MIER3: variants seen among roughly 807,000 people sequenced by gnomAD.
MIER3 encodes the protein MIER family member 3.
Under a neutral mutation model 63.2 loss-of-function variants are expected in MIER3, and 9 were observed. That is an observed-to-expected ratio of 0.14 (90% CI 0.09 to 0.25). The LOEUF is 0.25. MIER3 is among the 10% of genes least tolerant of loss of function. The pLI, the probability that MIER3 is intolerant of heterozygous loss-of-function variation, is 1.00. For synonymous variants in MIER3, 205 were observed against 224.9 expected, an observed-to-expected ratio of 0.91 and a Z score of 0.79; for missense variants, 512 against 666.2, an observed-to-expected ratio of 0.77 and a Z score of 2.55.
At chr5:56,927,119 ATG>A (rs1561232245) in intron 10 of MIER3, among the ~76,000 whole-genome samples, 1 of 125,184 alleles carries the variant, frequency 8.0e-6, no homozygotes, top group Non-Finnish European at 1.7e-5. Context: ...AGAATAAAAC[ATG>A]AGATTTTCAG....
At chr5:56,951,949 GC>G (rs1561250321) in intron 1 of MIER3, 144 bp downstream of exon 1, 7 of 614,800 alleles carry the variant, frequency 1.1e-5, no homozygotes, top group Non-Finnish European at 1.5e-5. Flanking sequence ...ACGGCCAGTC[GC>G]CGCCCCGCGA....
At chr5:56,939,074 G>A (rs976279099) in intron 3 of MIER3, 57 bp from the exon 4 acceptor site, 3 of 1,587,784 alleles carry the variant, frequency 1.9e-6, no homozygotes, top group South Asian at 1.1e-5. Flanking sequence ...CTGAACTGCA[G>A]GTAAACTGTA....
chr5:56,935,532 AT>A (rs2112113523), intron 6 of MIER3, 32 bp from the exon 7 acceptor site: 1 of 1,545,864 alleles, frequency 6.5e-7, no homozygotes. Flanking sequence ...AAAATAACTT[AT>A]TAAAAAAAAA....
At chr5:56,951,047 G>A (rs534451793) in intron 1 of MIER3, among the ~76,000 whole-genome samples, 7 of 152,194 alleles carry the variant, frequency 4.6e-5, no homozygotes, top group Non-Finnish European at 1.0e-4. Context: ...AACTCGAAAC[G>A]TAACACCCTT....
At position 56,920,233 on chromosome 5, in the gene MIER3, G is replaced by A. The variant is rs1270918477; in HGVS notation, c.*2895C>T. The A allele has an allele frequency of 6.6e-6, 1 of 152,506 alleles. No individual in the cohort carries two copies. Among genetic ancestry groups the A allele is most frequent in the Non-Finnish European group, 1.5e-5 (1 of 67,982 alleles). 9.4% of individuals were successfully genotyped at this position (152,506 alleles called of 1,614,324 possible). ...CATCCTTCAAGTAAATTCAGCAGCT[G>A]ACCATGACAAGAGGAAAACTAAACA... On this transcript the variant is annotated 3_prime_UTR_variant, in exon 13 of 13. Transcript: ENST00000381199.
At chr5:56,942,884 G>GC (rs1750696121) in intron 3 of MIER3, among the ~76,000 whole-genome samples, 1 of 152,178 alleles carries the variant, frequency 6.6e-6, no homozygotes, top group African/African-American at 2.4e-5. Context: ...GGTAGCTGCT[G>GC]CCTGTAATCC....
chr5:56,930,000 G>T (rs984625772), intron 9 of MIER3, among the ~76,000 whole-genome samples: 9 of 152,036 alleles, frequency 5.9e-5, no homozygotes, highest in African/African-American at 2.2e-4. Context: ...TTTTCTAAGG[G>T]AGACATTTTA....
chr5:56,927,245 TTTAA>T (rs1750034888), intron 10 of MIER3, among the ~76,000 whole-genome samples: 2 of 152,160 alleles, frequency 1.3e-5, no homozygotes, highest in African/African-American at 2.4e-5. Flanking sequence ...AACTATGGAC[TTTAA>T]TTAATAATAA....
intron 5 of MIER3, among the ~76,000 whole-genome samples, chr5:56,936,242 A>G (rs538917127): frequency 4.6e-5 from 7 of 152,060 alleles, no homozygotes; most frequent in Non-Finnish European, 7.4e-5. Flanking sequence ...TAGTATCCTG[A>G]TAATTATTAT....
At chr5:56,926,458 C>A (rs551770779) in intron 10 of MIER3, among the ~76,000 whole-genome samples, 4 of 150,528 alleles carry the variant, frequency 2.7e-5, no homozygotes, top group South Asian at 2.1e-4. Context: ...GAAAAAAAAA[C>A]ACACAAATGG....
intron 10 of MIER3, 57 bp downstream of exon 10, chr5:56,928,710 T>A: frequency 1.6e-6 from 2 of 1,215,250 alleles, no homozygotes; most frequent in Non-Finnish European, 2.4e-6. Context: ...ACTTATAAAT[T>A]AGTTGCTTAC....
rs1304404334 is a variant in MIER3, at chr5:56,938,869, A to C, written c.315+14T>G. Reference sequence around the variant, plus strand: ...AACAGACCCTGAATTTTTCTTTCAAATGCTCACACTTACTTTGTCTAGTGT... The same window carrying C: ...AACAGACCCTGAATTTTTCTTTCAACTGCTCACACTTACTTTGTCTAGTGT... On this transcript the variant is annotated intron_variant, in intron 4 of 12. Coordinates refer to ENST00000381199, the MANE Select transcript of MIER3 (RefSeq NM_001297599.2). 6.2e-7 allele frequency: 1 copy of C among 1,606,030 alleles called. No individual in the cohort carries two copies. The highest frequency in any genetic ancestry group is 1.7e-5 in the Admixed American group (1 of 59,506).
chr5:56,938,901 T>C lies in MIER3; in HGVS notation c.297A>G (p.Pro99=). Residue 99 remains proline, a synonymous_variant, in exon 4 of 13, where the codon CCA becomes CCG. Transcript: ENST00000381199. The stretch of plus-strand genomic sequence containing the variant: ...CACTTACTTTGTCTAGTGTCATGTC[T>C]GGTAGTTCATCTGCCAGTTCACTTG... ...SSPSELADEL[P]DMTLDKEEIA... The C allele has an allele frequency of 6.2e-7, 1 of 1,614,140 alleles. No homozygotes were observed. The highest frequency in any genetic ancestry group is 8.5e-7 in the Non-Finnish European group (1 of 1,179,980).
At chr5:56,938,245 T>G in intron 4 of MIER3, 1 of 471,204 alleles carries the variant, frequency 2.1e-6, no homozygotes, top group East Asian at 6.9e-5. Flanking sequence ...CATTAAGGTC[T>G]GTGGTACATT....
intron 10 of MIER3, among the ~76,000 whole-genome samples, chr5:56,925,852 A>G (rs1749947761): frequency 6.6e-6 from 1 of 152,094 alleles, no homozygotes; most frequent in African/African-American, 2.4e-5. Flanking sequence ...TTTACTATAA[A>G]GCTATAGTAA....
chr5:56,933,714 T>C (rs570852449), intron 7 of MIER3, among the ~76,000 whole-genome samples: 1 of 152,304 alleles, frequency 6.6e-6, no homozygotes, highest in Non-Finnish European at 1.5e-5. Context: ...ACTCTTCTAA[T>C]GAAGGGGCAA....
intron 5 of MIER3, 62 bp from the exon 6 acceptor site, chr5:56,935,813 C>CT: frequency 8.0e-7 from 1 of 1,251,170 alleles, no homozygotes; most frequent in Non-Finnish European, 1.2e-6. Context: ...GGAAGAATGC[C>CT]TGTTGTATTT....
rs867927786 is a variant in MIER3 at position 56,950,741 on chromosome 5, G to C, written c.10-89C>G. 1.6e-5 allele frequency: 23 copies of C among 1,470,756 alleles called. No individual in the cohort carries two copies. In the Middle Eastern group the frequency reaches 3.2e-3, roughly 207 times the overall value. The allele number at this position is 1,470,756 out of a possible 1,614,324, so 91.1% of individuals were successfully genotyped here. A position where few individuals can be genotyped will look rare whatever the true frequency, so the allele number is the denominator to read the frequency against. On this transcript the variant is annotated intron_variant, in intron 1 of 12. Transcript: ENST00000381199. Reference sequence around the variant, plus strand: ...AACAGGGCGCAGAGGAGGCGGAGTCGAGCGCTCCTCCGCAGCTGCCAAAAG... The same window carrying C: ...AACAGGGCGCAGAGGAGGCGGAGTCCAGCGCTCCTCCGCAGCTGCCAAAAG...
At chr5:56,923,618 G>A (rs756433260) in intron 12 of MIER3, 33 bp from the exon 13 acceptor site, 1 of 1,611,660 alleles carries the variant, frequency 6.2e-7, no homozygotes, top group East Asian at 2.2e-5. Flanking sequence ...TTAAGTAAGT[G>A]GTCCTATGAC....
Sources: gnomAD v4.1 joint callset for allele counts (sites outside exome capture counted in the v4.1 genomes callset) on GRCh38, gnomAD v4.1.1 for gene constraint, MANE v1.5 for transcripts, NCBI Gene and HGNC (gene_info 2026-07-23, HGNC 2026-07-21) for gene names.